The following SDK1 variants were observed in gnomAD, a reference collection of about 807,000 sequenced individuals.
The protein encoded by SDK1 is sidekick cell adhesion molecule 1.
Under a neutral mutation model 245.5 loss-of-function variants are expected in SDK1, and 157 were observed. That is an observed-to-expected ratio of 0.64 (90% CI 0.56 to 0.73). The LOEUF (loss-of-function observed/expected upper bound fraction) is 0.73, where lower values mean the gene tolerates loss of function less well. SDK1 is among the 30% of genes least tolerant of loss of function. The probability of loss-of-function intolerance (pLI) is 0.00; values close to 1 mark genes in which losing one functional copy is unlikely to be tolerated. For missense variants in SDK1, 3,583 were observed against 3,002.3 expected (o/e 1.19, Z -4.52); for synonymous variants, 1,647 against 1,278.5 (o/e 1.29, Z -6.15).
chr7:3,826,593 G>T (rs1779781817), intron 5 of SDK1, among the ~76,000 whole-genome samples: 1 of 152,100 alleles, frequency 6.6e-6, no homozygotes, highest in South Asian at 2.1e-4. Context: ...AGTTAGTTTA[G>T]ATAAAACGAA....
At chr7:3,983,248 A>T (rs751218557) in intron 13 of SDK1, among the ~76,000 whole-genome samples, 1 of 152,230 alleles carries the variant, frequency 6.6e-6, no homozygotes, top group Non-Finnish European at 1.5e-5. Context: ...AAGAAGTTCT[A>T]CTGTGGGTAA....
At chr7:3,706,125 C>T (rs1215544008) in intron 4 of SDK1, among the ~76,000 whole-genome samples, 3 of 152,130 alleles carry the variant, frequency 2.0e-5, no homozygotes, top group Admixed American at 6.5e-5. Context: ...CCCACTTGAG[C>T]ATGGTTATTA....
chr7:3,458,934 C>G (rs1296857086), intron 1 of SDK1, among the ~76,000 whole-genome samples: 2 of 152,104 alleles, frequency 1.3e-5, no homozygotes, highest in African/African-American at 4.8e-5. Flanking sequence ...TCAGGATTGT[C>G]TTGATCATTA....
intron 1 of SDK1, among the ~76,000 whole-genome samples, chr7:3,587,119 A>G (rs988460630): frequency 6.6e-6 from 1 of 152,154 alleles, no homozygotes; most frequent in Non-Finnish European, 1.5e-5. Context: ...AAGGGTCCAG[A>G]AACAATGGCT....
intron 1 of SDK1, among the ~76,000 whole-genome samples, chr7:3,585,350 G>C (rs185260936): frequency 3.5e-4 from 54 of 152,310 alleles, no homozygotes; most frequent in African/African-American, 1.2e-3. Context: ...ATCAGAACTT[G>C]TAATAAAGCT....
chr7:3,655,382 G>A (rs1455048678), intron 4 of SDK1, among the ~76,000 whole-genome samples: 3 of 146,964 alleles, frequency 2.0e-5, no homozygotes, highest in African/African-American at 5.0e-5. Flanking sequence ...GCGGTGAGCC[G>A]AGATCGCAGC....
At chr7:3,822,091 A>G (rs1474025159) in intron 5 of SDK1, among the ~76,000 whole-genome samples, 1 of 152,198 alleles carries the variant, frequency 6.6e-6, no homozygotes, top group Non-Finnish European at 1.5e-5. Flanking sequence ...ATGCACACAA[A>G]TCATGGGTAT....
intron 16 of SDK1, among the ~76,000 whole-genome samples, chr7:4,015,325 CCTT>C (rs1786310651): frequency 6.6e-6 from 1 of 152,148 alleles, no homozygotes; most frequent in Non-Finnish European, 1.5e-5. Context: ...CATGAGGAAT[CCTT>C]CTTAAACGGC....
Position 4,144,274 on chromosome 7 carries a change from G to C in SDK1, c.4229-1448G>C, listed in dbSNP as rs920743271. Among the ~76,000 whole-genome samples, 9 of 152,280 alleles carry C rather than the reference G, an allele frequency of 5.9e-5. No individual in the cohort carries two copies. In the East Asian group the frequency reaches 1.2e-3, roughly 20 times the overall value. On this transcript the variant is annotated intron_variant, in intron 28 of 44. Coordinates refer to ENST00000404826, the MANE Select transcript of SDK1 (RefSeq NM_152744.4). ...CCTGAGGCCAGCAGGGCCACATCCAGGAAGTCTCAGAACTCCCGGTCCCCA... is the reference window on the plus strand; with the variant it reads ...CCTGAGGCCAGCAGGGCCACATCCACGAAGTCTCAGAACTCCCGGTCCCCA...
intron 5 of SDK1, among the ~76,000 whole-genome samples, chr7:3,931,804 GT>G (rs1779988195): frequency 6.6e-6 from 1 of 152,168 alleles, no homozygotes; most frequent in Non-Finnish European, 1.5e-5. Context: ...CAGAGACCAA[GT>G]GAAATTTTTA....
At chr7:4,058,937 C>G (rs908009763) in intron 19 of SDK1, among the ~76,000 whole-genome samples, 2 of 151,984 alleles carry the variant, frequency 1.3e-5, no homozygotes, top group East Asian at 1.9e-4. Context: ...AGCAAACACA[C>G]AAATAAGGAA....
chr7:3,840,433 G>A (rs987408828), intron 5 of SDK1, among the ~76,000 whole-genome samples: 3 of 152,142 alleles, frequency 2.0e-5, no homozygotes, highest in Non-Finnish European at 4.4e-5. Flanking sequence ...GTCCTCAGGT[G>A]ATTTTAATAC....
chr7:3,494,985 G>A (rs1446205540), intron 1 of SDK1, among the ~76,000 whole-genome samples: 1 of 152,142 alleles, frequency 6.6e-6, no homozygotes, highest in Admixed American at 6.5e-5. Context: ...TAGTGCAGCT[G>A]TTATCTCCTG....
chr7:3,608,592 C>G (rs1781494556), intron 1 of SDK1, among the ~76,000 whole-genome samples: 1 of 152,102 alleles, frequency 6.6e-6, no homozygotes, highest in African/African-American at 2.4e-5. Context: ...AAGGAGGTGT[C>G]TGATGAGATA....
At chr7:3,692,956 C>A (rs899672072) in intron 4 of SDK1, among the ~76,000 whole-genome samples, 2 of 151,838 alleles carry the variant, frequency 1.3e-5, no homozygotes, top group African/African-American at 4.8e-5. Context: ...TATATATCAT[C>A]CAGTAGTATT....
At chr7:3,681,708 C>T (rs1461039677) in intron 4 of SDK1, among the ~76,000 whole-genome samples, 1 of 152,066 alleles carries the variant, frequency 6.6e-6, no homozygotes, top group Non-Finnish European at 1.5e-5. Context: ...GAACATGGGA[C>T]ATAGTAGGCA....
intron 41 of SDK1, among the ~76,000 whole-genome samples, chr7:4,236,497 C>T (rs1299010349): frequency 2.0e-5 from 3 of 152,008 alleles, no homozygotes; most frequent in Admixed American, 6.6e-5. Flanking sequence ...AAACACAGCC[C>T]CAGGCTTTAG....
chr7:3,479,421 C>CAAAAA (rs56094646), intron 1 of SDK1, among the ~76,000 whole-genome samples: 3 of 66,574 alleles, frequency 4.5e-5, no homozygotes, highest in Admixed American at 2.0e-4. Flanking sequence ...GACTGTGTCT[C>CAAAAA]AAAAAAAAAA....
intron 5 of SDK1, among the ~76,000 whole-genome samples, chr7:3,941,876 C>A (rs1178601252): frequency 2.0e-5 from 3 of 151,724 alleles, no homozygotes; most frequent in African/African-American, 7.3e-5. Context: ...TGGTGATAAC[C>A]AGCCGTGGTA....
Sources: gnomAD v4.1 joint callset for allele counts (sites outside exome capture counted in the v4.1 genomes callset) on GRCh38, gnomAD v4.1.1 for gene constraint, MANE v1.5 for transcripts, NCBI Gene and HGNC (gene_info 2026-07-23, HGNC 2026-07-21) for gene names.